TDRD3: variants seen among roughly 807,000 people sequenced by gnomAD.
TDRD3 encodes tudor domain-containing protein 3.
Under a neutral mutation model 86.7 loss-of-function variants are expected in TDRD3, and 45 were observed. The observed-to-expected ratio is 0.52, with a 90% CI of 0.41 to 0.67. TDRD3 has a LOEUF of 0.67. Ranked by LOEUF, TDRD3 falls within the 30% of genes least tolerant of loss-of-function variation. The pLI, the probability that TDRD3 is intolerant of heterozygous loss-of-function variation, is 0.00. For synonymous variants in TDRD3, 298 were observed against 301.7 expected, an observed-to-expected ratio of 0.99 and a Z score of 0.13; for missense variants, 814 against 889.0, an observed-to-expected ratio of 0.92 and a Z score of 1.07.
chr13:60,477,234 A>AT (rs1566225393), intron 5 of TDRD3, among the ~76,000 whole-genome samples: 1 of 133,630 alleles, frequency 7.5e-6, no homozygotes. Context: ...ATTATTATTA[A>AT]GACAGAATCT....
At chr13:60,470,590 GTTT>G (rs71092676) in intron 5 of TDRD3, among the ~76,000 whole-genome samples, 8 of 93,496 alleles carry the variant, frequency 8.6e-5, no homozygotes, top group African/African-American at 1.1e-4. Flanking sequence ...TTATAGTTGG[GTTT>G]TTTTTTTTTT....
At chr13:60,396,135 G>C (rs936633912), upstream of TDRD3, among the ~76,000 whole-genome samples, 1 of 152,202 alleles carries the variant, frequency 6.6e-6, no homozygotes, top group Admixed American at 6.5e-5. Context: ...CGCAGTCTCT[G>C]CTCCAAGTCT....
chr13:60,506,278 A>C (rs1485293859), intron 8 of TDRD3, among the ~76,000 whole-genome samples: 1 of 152,140 alleles, frequency 6.6e-6, no homozygotes, highest in Non-Finnish European at 1.5e-5. Flanking sequence ...AGATTTTCAT[A>C]CCAGCCAAAC....
chr13:60,507,988 CAGAG>C (rs1456940198), intron 8 of TDRD3, among the ~76,000 whole-genome samples: 3 of 152,130 alleles, frequency 2.0e-5, no homozygotes, highest in Non-Finnish European at 4.4e-5. Context: ...CATATACAAA[CAGAG>C]AGCCAAATCA....
At chr13:60,415,792 TGCCAAGTTTACAAAGATAGTTCTG>T (rs1954493446) in intron 1 of TDRD3, among the ~76,000 whole-genome samples, 1 of 152,172 alleles carries the variant, frequency 6.6e-6, no homozygotes, top group Non-Finnish European at 1.5e-5. Flanking sequence ...AGATCAGATT[TGCCAAGTTTACAAAGATAGTTCTG>T]GCCTTTATTT....
chr13:60,470,613 A>C (rs887300536), intron 5 of TDRD3, among the ~76,000 whole-genome samples: 1 of 117,480 alleles, frequency 8.5e-6, no homozygotes, highest in African/African-American at 3.3e-5. Flanking sequence ...TTTTTTTGAT[A>C]TGGAGTGTTG....
chr13:60,465,817 A>G (rs988492263), intron 4 of TDRD3, among the ~76,000 whole-genome samples: 1 of 152,188 alleles, frequency 6.6e-6, no homozygotes, highest in African/African-American at 2.4e-5. Context: ...CCATTTCAGA[A>G]TAATTTTCTA....
intron 4 of TDRD3, among the ~76,000 whole-genome samples, chr13:60,464,911 T>C (rs926536270): frequency 6.6e-6 from 1 of 152,170 alleles, no homozygotes; most frequent in Non-Finnish European, 1.5e-5. Context: ...CAGTAATTTA[T>C]TGAATATTTC....
At chr13:60,532,977 A>G (rs1347446391) in intron 11 of TDRD3, among the ~76,000 whole-genome samples, 1 of 152,144 alleles carries the variant, frequency 6.6e-6, no homozygotes, top group African/African-American at 2.4e-5. Context: ...TCAAAAATAC[A>G]TATATCTTAG....
intron 13 of TDRD3, among the ~76,000 whole-genome samples, chr13:60,567,960 C>T (rs567376770): frequency 6.6e-6 from 1 of 150,526 alleles, no homozygotes; most frequent in African/African-American, 2.4e-5. Flanking sequence ...TGGTCTTGAA[C>T]TCCTGAGCTC....
intron 10 of TDRD3, among the ~76,000 whole-genome samples, chr13:60,520,876 C>T (rs930165913): frequency 9.9e-5 from 15 of 152,148 alleles, no homozygotes; most frequent in East Asian, 1.9e-4. Flanking sequence ...TAATTCCAAA[C>T]GCTTTGTTTG....
At chr13:60,520,551 C>T (rs1957266593) in intron 10 of TDRD3, among the ~76,000 whole-genome samples, 1 of 152,188 alleles carries the variant, frequency 6.6e-6, no homozygotes, top group East Asian at 1.9e-4. Context: ...CTCCCCACTC[C>T]TCCTAGTTTT....
At chr13:60,516,052 G>A (rs1320258706) in intron 10 of TDRD3, among the ~76,000 whole-genome samples, 1 of 152,150 alleles carries the variant, frequency 6.6e-6, no homozygotes, top group African/African-American at 2.4e-5. Flanking sequence ...GTCTGTTATA[G>A]ACTCAAATTG....
intron 12 of TDRD3, among the ~76,000 whole-genome samples, chr13:60,541,716 C>CTTTTTT (rs71199007): frequency 0.037 from 1,536 of 41,002 alleles, 355 homozygotes; most frequent in Non-Finnish European, 0.046. Flanking sequence ...TCAGCATAGT[C>CTTTTTT]TTTTTTTTTT....
intron 12 of TDRD3, among the ~76,000 whole-genome samples, chr13:60,539,490 G>T (rs939485880): frequency 4.0e-5 from 6 of 151,864 alleles, no homozygotes; most frequent in Middle Eastern, 3.4e-3. Flanking sequence ...ATAACTTAAA[G>T]AATTGTATCT....
chr13:60,571,943 G>A (rs1390431158), intron 13 of TDRD3, among the ~76,000 whole-genome samples: 1 of 152,150 alleles, frequency 6.6e-6, no homozygotes, highest in Non-Finnish European at 1.5e-5. Context: ...GGGAGATAGA[G>A]CCCAAAACTC....
At chr13:60,425,495 A>G (rs9538690) in intron 1 of TDRD3, among the ~76,000 whole-genome samples, 29,612 of 152,136 alleles carry the variant, frequency 0.19, 3,578 homozygotes, top group South Asian at 0.29. Context: ...TGACCTAGCA[A>G]TCCCTATTCT....
intron 12 of TDRD3, among the ~76,000 whole-genome samples, chr13:60,550,029 C>A (rs1958013967): frequency 6.6e-6 from 1 of 152,006 alleles, no homozygotes; most frequent in African/African-American, 2.4e-5. Context: ...AACACTTGAT[C>A]TCTTTCTAAT....
rs1228547370 is a variant in TDRD3, at chr13:60,485,894, T to C, written c.663T>C (p.Asp221=). ...CTGTCAAACCTACAAATGATAATGA[T>C]GAATTTGAAAAGCAAAGGACGGCTG... ...TMPVKPTNDN[D]EFEKQRTAAI... Residue 221 remains aspartate, a synonymous_variant, in exon 7 of 14, where the codon GAT becomes GAC. Coordinates refer to ENST00000377881, the MANE Select transcript of TDRD3 (RefSeq NM_001146070.2). 3.1e-6 allele frequency: 5 copies of C among 1,611,298 alleles called. No homozygotes were observed. In the East Asian group the frequency reaches 6.7e-5, roughly 22 times the overall value.
Sources: gnomAD v4.1 joint callset for allele counts (sites outside exome capture counted in the v4.1 genomes callset) on GRCh38, gnomAD v4.1.1 for gene constraint, MANE v1.5 for transcripts, NCBI Gene and HGNC (gene_info 2026-07-23, HGNC 2026-07-21) for gene names.